STK33: variants seen among roughly 807,000 people sequenced by gnomAD.
STK33 encodes serine/threonine kinase 33.
In STK33, 52 loss-of-function variants were observed where a neutral mutation model predicts 58.0. The observed-to-expected ratio is 0.90, with a 90% CI of 0.72 to 1.13. The LOEUF (loss-of-function observed/expected upper bound fraction) is 1.13, where lower values mean the gene tolerates loss of function less well. Ranked by LOEUF, STK33 falls within the 50% of genes most tolerant of loss-of-function variation. The pLI, the probability that STK33 is intolerant of heterozygous loss-of-function variation, is 0.00. For synonymous variants in STK33, 215 were observed against 200.1 expected (o/e 1.07, Z -0.63); for missense variants, 630 against 604.2 (o/e 1.04, Z -0.45).
In STK33 at chr11:8,560,317, C is replaced by T. The variant is rs77409599; in HGVS notation, c.-466+33766G>A. Among the ~76,000 whole-genome samples the T allele has an allele frequency of 4.6e-3, 705 of 152,168 alleles. 2 individuals are homozygous for T. The highest frequency in any genetic ancestry group is 6.8e-3 in the Middle Eastern group (2 of 294). ...CAATTTGATAAATGAAAAATAGCAT[C>T]TTATTTTAATTTCTACCTCCTTAAT... On this transcript the variant is annotated intron_variant, in intron 1 of 15. Transcript: ENST00000687296.
At chr11:8,349,884 A>T in the STK33 span, among the ~76,000 whole-genome samples, 1 of 152,210 alleles carries the variant, frequency 6.6e-6, no homozygotes, top group African/African-American at 2.4e-5. Flanking sequence ...TTCTCCTGGG[A>T]AACCCTCCTT....
At chr11:8,431,079 C>G (rs1468018685) in intron 14 of STK33, among the ~76,000 whole-genome samples, 2 of 152,022 alleles carry the variant, frequency 1.3e-5, no homozygotes, top group East Asian at 1.9e-4. Context: ...ATTGGCCAGG[C>G]TGATCGCAAA....
chr11:8,459,893 A>G (rs1591249944), intron 8 of STK33, among the ~76,000 whole-genome samples: 1 of 152,232 alleles, frequency 6.6e-6, no homozygotes, highest in East Asian at 1.9e-4. Context: ...GGAAATATGC[A>G]AAAAGGGCAG....
At chr11:8,478,818 A>G (rs1019116189) in intron 2 of STK33, among the ~76,000 whole-genome samples, 1 of 151,964 alleles carries the variant, frequency 6.6e-6, no homozygotes, top group African/African-American at 2.4e-5. Flanking sequence ...CTTTAGTAAC[A>G]TGTTTACAAA....
intron 11 of STK33, among the ~76,000 whole-genome samples, chr11:8,442,040 C>T (rs1164661182): frequency 6.7e-6 from 1 of 149,756 alleles, no homozygotes; most frequent in Non-Finnish European, 1.5e-5. Context: ...TACACACACA[C>T]ACACACACAC....
chr11:8,442,814 T>C (rs1944935933), intron 11 of STK33, among the ~76,000 whole-genome samples: 1 of 152,130 alleles, frequency 6.6e-6, no homozygotes, highest in South Asian at 2.1e-4. Flanking sequence ...TGATACAACA[T>C]GGATAAGTCT....
In STK33 at chr11:8,392,369, T is replaced by C. The variant is rs1848686351; in HGVS notation, c.*141A>G. The C allele has an allele frequency of 3.1e-6, 3 of 960,588 alleles. No homozygotes were observed. Among genetic ancestry groups the C allele is most frequent in the Admixed American group, 2.3e-5 (1 of 43,332 alleles). 59.5% of individuals were successfully genotyped at this position (960,588 alleles called of 1,614,324 possible). ...GAGATAAGCAGCTTCAATTTTAAGC[T>C]GGTGCAAACACATGGCGGGGCTCTG... On this transcript the variant is annotated 3_prime_UTR_variant, in exon 16 of 16. Coordinates refer to ENST00000687296, the MANE Select transcript of STK33 (RefSeq NM_001352389.2).
chr11:8,357,005 G>A, the STK33 span, among the ~76,000 whole-genome samples: 215 of 152,312 alleles, frequency 1.4e-3, 1 homozygote, highest in Non-Finnish European at 1.8e-3. Context: ...TGAAGGTGGA[G>A]GCGCTGCCCC....
At chr11:8,560,277 C>A (rs1205074807) in intron 1 of STK33, among the ~76,000 whole-genome samples, 1 of 152,052 alleles carries the variant, frequency 6.6e-6, no homozygotes, top group East Asian at 1.9e-4. Context: ...TATTTTTGAA[C>A]TTTTTCATCT....
At chr11:8,574,581 T>C (rs1958047508) in intron 1 of STK33, among the ~76,000 whole-genome samples, 3 of 152,098 alleles carry the variant, frequency 2.0e-5, no homozygotes, top group Admixed American at 2.0e-4. Context: ...TCTATACAAA[T>C]TCATCCAGAA....
chr11:8,443,244 A>C (rs1944993385), intron 11 of STK33, among the ~76,000 whole-genome samples: 1 of 152,244 alleles, frequency 6.6e-6, no homozygotes, highest in South Asian at 2.1e-4. Flanking sequence ...TCACAAAAAT[A>C]TCACATTTCA....
chr11:8,474,641 A>G, intron 5 of STK33, 40 bp downstream of exon 5: 2 of 1,467,762 alleles, frequency 1.4e-6, no homozygotes, highest in Non-Finnish European at 1.9e-6. Flanking sequence ...AGGGAACGGG[A>G]TGTCAACTTG....
At chr11:8,575,266 T>A (rs1180208616) in intron 1 of STK33, among the ~76,000 whole-genome samples, 1 of 152,156 alleles carries the variant, frequency 6.6e-6, no homozygotes, top group East Asian at 1.9e-4. Flanking sequence ...GCAAAGGAAC[T>A]GAAAGCAGGG....
downstream of STK33, among the ~76,000 whole-genome samples, chr11:8,387,400 G>C (rs1450347874): frequency 6.6e-6 from 1 of 152,222 alleles, no homozygotes; most frequent in Non-Finnish European, 1.5e-5. Flanking sequence ...CTTCTTAGCT[G>C]TGTGACCTTG....
At chr11:8,519,977 T>C (rs529029005) in intron 1 of STK33, among the ~76,000 whole-genome samples, 1 of 152,112 alleles carries the variant, frequency 6.6e-6, no homozygotes, top group Non-Finnish European at 1.5e-5. Context: ...GAGAAAATCC[T>C]CCCTAGCTCA....
chr11:8,494,824 G>T (rs532403896), intron 1 of STK33, among the ~76,000 whole-genome samples: 3 of 152,276 alleles, frequency 2.0e-5, no homozygotes, highest in African/African-American at 4.8e-5. Context: ...TGACAAACCT[G>T]ACAAAAACAA....
At chr11:8,391,438 T>A (rs1160341742), downstream of STK33, among the ~76,000 whole-genome samples, 1 of 152,220 alleles carries the variant, frequency 6.6e-6, no homozygotes, top group East Asian at 1.9e-4. Context: ...AATAGTGTCT[T>A]CTAAACTAAC....
At chr11:8,468,026 C>T (rs921363545) in intron 6 of STK33, among the ~76,000 whole-genome samples, 1 of 151,984 alleles carries the variant, frequency 6.6e-6, no homozygotes, top group African/African-American at 2.4e-5. Flanking sequence ...TGTATTAGTC[C>T]ATTTTCACAC....
intron 14 of STK33, among the ~76,000 whole-genome samples, chr11:8,429,156 G>A (rs919438945): frequency 2.0e-5 from 3 of 152,236 alleles, no homozygotes; most frequent in East Asian, 1.9e-4. Context: ...ATCTAAAAGT[G>A]AATGAGATGG....
Sources: gnomAD v4.1 joint callset for allele counts (sites outside exome capture counted in the v4.1 genomes callset) on GRCh38, gnomAD v4.1.1 for gene constraint, MANE v1.5 for transcripts, NCBI Gene and HGNC (gene_info 2026-07-23, HGNC 2026-07-21) for gene names.